The following SLC7A7 variants were observed in gnomAD, a reference collection of about 807,000 sequenced individuals.
SLC7A7 encodes the protein solute carrier family 7 member 7.
SLC7A7 carries 39 observed loss-of-function variants against 47.9 expected under a neutral mutation model. The ratio of observed to expected loss-of-function variants is 0.81; its 90% CI spans 0.63 to 1.06. SLC7A7 has a LOEUF of 1.06. Ranked by LOEUF, SLC7A7 falls within the 50% of genes least tolerant of loss-of-function variation. The pLI is 0.00. For missense variants in SLC7A7, 588 were observed against 632.0 expected, an observed-to-expected ratio of 0.93 and a Z score of 0.75; for synonymous variants, 234 against 242.8, an observed-to-expected ratio of 0.96 and a Z score of 0.34.
chr14:22,780,433 T>C (rs1281504863), intron 2 of SLC7A7: 1 of 281,726 alleles, frequency 3.5e-6, no homozygotes, highest in Non-Finnish European at 6.9e-6. Context: ...CCATTCCCCA[T>C]GGGCTCCAGG....
upstream of SLC7A7, chr14:22,815,850 G>A (rs867745291): frequency 8.1e-6 from 3 of 369,018 alleles, no homozygotes; most frequent in South Asian, 6.0e-5. Context: ...TTAAGAAAGG[G>A]AGGAAGGTTG....
intron 3 of SLC7A7, among the ~76,000 whole-genome samples, chr14:22,779,525 G>A (rs1277285833): frequency 6.6e-6 from 1 of 151,664 alleles, no homozygotes; most frequent in South Asian, 2.1e-4. Flanking sequence ...CGTGATCTCA[G>A]CTCACTGCAA....
chr14:22,809,363 C>G (rs1348333099), intron 2 of SLC7A7, among the ~76,000 whole-genome samples: 2 of 130,550 alleles, frequency 1.5e-5, no homozygotes, highest in African/African-American at 5.9e-5. Flanking sequence ...TTTTTTGAGA[C>G]AGAGTCTGGC....
At chr14:22,790,253 T>C (rs112082439) in intron 2 of SLC7A7, among the ~76,000 whole-genome samples, 3,855 of 146,128 alleles carry the variant, frequency 0.026, 75 homozygotes, top group Middle Eastern at 0.091. Flanking sequence ...TGCTTGAGCC[T>C]GGGGAGGTCA....
chr14:22,803,003 C>G (rs554961652), intron 2 of SLC7A7, among the ~76,000 whole-genome samples: 1 of 152,194 alleles, frequency 6.6e-6, no homozygotes, highest in South Asian at 2.1e-4. Context: ...GAGCACCTAG[C>G]AGATACCAGG....
upstream of SLC7A7, among the ~76,000 whole-genome samples, chr14:22,817,632 T>C (rs1411595309): frequency 1.3e-5 from 2 of 152,166 alleles, no homozygotes; most frequent in African/African-American, 4.8e-5. Context: ...TGAGCCATTG[T>C]GCCCAGCCTA....
intron 2 of SLC7A7, among the ~76,000 whole-genome samples, chr14:22,791,048 T>C (rs2038916483): frequency 6.6e-6 from 1 of 151,926 alleles, no homozygotes; most frequent in Non-Finnish European, 1.5e-5. Flanking sequence ...ACTTGTAATA[T>C]TTGTAGATAA....
At position 22,792,125 on chromosome 14, in the gene SLC7A7, G is replaced by A. The variant is rs374174560; in HGVS notation, c.500-12074C>T. Among the ~76,000 whole-genome samples, 11 of 151,752 alleles carry A rather than the reference G, an allele frequency of 7.2e-5. No homozygotes were observed. The East Asian group carries it at 1.6e-3, about 22-fold the overall frequency. The stretch of plus-strand genomic sequence containing the variant: ...GCTGGGATTACAGGCTTGAGCCACC[G>A]CGCCCGGCCTGGAAACTCTCTACAC... On this transcript the variant is annotated intron_variant, in intron 2 of 9. Transcript: ENST00000674313.
intron 4 of SLC7A7, among the ~76,000 whole-genome samples, chr14:22,777,833 G>A (rs901048122): frequency 1.3e-5 from 2 of 152,194 alleles, no homozygotes; most frequent in Non-Finnish European, 2.9e-5. Flanking sequence ...CAGCACTTTG[G>A]GAGGCTAAGG....
intron 2 of SLC7A7, among the ~76,000 whole-genome samples, chr14:22,809,955 C>T (rs942104244): frequency 1.4e-5 from 2 of 144,128 alleles, no homozygotes; most frequent in Non-Finnish European, 3.0e-5. Context: ...AAGAGAATCG[C>T]TGGAACTCGG....
chr14:22,781,886 G>A (rs2038725315), intron 2 of SLC7A7, among the ~76,000 whole-genome samples: 1 of 152,236 alleles, frequency 6.6e-6, no homozygotes, highest in Admixed American at 6.5e-5. Flanking sequence ...ATGATTCCCT[G>A]CAGGGTAACC....
At position 22,773,507 on chromosome 14, in the gene SLC7A7, T is replaced by C. The variant is rs1245590914; in HGVS notation, c.*103A>G. 7 of 964,620 alleles carry C rather than the reference T, an allele frequency of 7.3e-6. No individual in the cohort carries two copies. Among genetic ancestry groups the C allele is most frequent in the Non-Finnish European group, 8.3e-6 (5 of 599,816 alleles). The allele number at this position is 964,620 out of a possible 1,614,324, so 59.8% of individuals were successfully genotyped here. ...GTTGAAGCTGCCTAGGCCAGGCTTC[T>C]GGACAGGTGCCTCCAAAGAAGTGAG... On this transcript the variant is annotated 3_prime_UTR_variant, in exon 10 of 10. Coordinates refer to ENST00000674313, the MANE Select transcript of SLC7A7 (RefSeq NM_003982.4).
At position 22,774,002 on chromosome 14, in the gene SLC7A7, G is replaced by C; in HGVS notation, c.1360C>G (p.Leu454Val). The part of the protein sequence containing the change: ...LIGIAIALSG[L>V]PFYFLIIRVP... ...CTGATGATGAGGAAGTAAAAGGGCA[G>C]GCCTGAGAGGGCAATGGCAATGCCG... Residue 454 changes from leucine (L) to valine (V), a missense_variant, in exon 9 of 10, where the codon CTG (leucine) becomes GTG (valine). Transcript: ENST00000674313. The C allele has an allele frequency of 6.2e-7, 1 of 1,614,224 alleles. No individual in the cohort carries two copies. Among genetic ancestry groups the C allele is most frequent in the Non-Finnish European group, 8.5e-7 (1 of 1,180,040 alleles).
intron 4 of SLC7A7, among the ~76,000 whole-genome samples, chr14:22,777,136 C>G (rs1420548750): frequency 1.5e-5 from 2 of 131,088 alleles, no homozygotes; most frequent in African/African-American, 6.0e-5. Context: ...GCAGCCAGAC[C>G]CTGTCTAAAA....
At chr14:22,775,177 C>T (rs1443783624) in intron 7 of SLC7A7, among the ~76,000 whole-genome samples, 3 of 152,188 alleles carry the variant, frequency 2.0e-5, no homozygotes, top group Non-Finnish European at 4.4e-5. Context: ...CCGTATCACT[C>T]ACTATCTGTC....
intron 2 of SLC7A7, among the ~76,000 whole-genome samples, chr14:22,806,187 C>CTTTTTTTT (rs77783824): frequency 2.6e-5 from 2 of 78,278 alleles, no homozygotes; most frequent in African/African-American, 5.4e-5. Flanking sequence ...ACATCAATCT[C>CTTTTTTTT]TTTTTTTTTT....
At chr14:22,806,706 C>T (rs72681934) in intron 2 of SLC7A7, among the ~76,000 whole-genome samples, 6,815 of 151,972 alleles carry the variant, frequency 0.045, 220 homozygotes, top group South Asian at 0.095. Context: ...AAGGCCAAAG[C>T]GGCAAAAGCA....
intron 1 of SLC7A7, 44 bp downstream of exon 1, chr14:22,815,276 A>T (rs999752330): frequency 2.3e-6 from 1 of 435,598 alleles, no homozygotes; most frequent in Non-Finnish European, 4.7e-6. Context: ...GAGGAGGGTT[A>T]GCAAGGTAAG....
chr14:22,812,546 G>A (rs549782909), intron 2 of SLC7A7, among the ~76,000 whole-genome samples: 103 of 151,452 alleles, frequency 6.8e-4, no homozygotes, highest in African/African-American at 2.4e-3. Flanking sequence ...TGAGGCAGGA[G>A]GATAGCTTGA....
Sources: allele counts gnomAD v4.1 joint callset (sites outside exome capture counted in the v4.1 genomes callset), GRCh38; gene constraint gnomAD v4.1.1; transcripts MANE v1.5; gene names NCBI Gene and HGNC (gene_info 2026-07-23, HGNC 2026-07-21).